Variants in HSPA4L observed in about 807,000 individuals in gnomAD.
The protein encoded by HSPA4L is heat shock 70 kDa protein 4L.
Under a neutral mutation model 100.3 loss-of-function variants are expected in HSPA4L, and 48 were observed. The ratio of observed to expected loss-of-function variants is 0.48; its 90% CI spans 0.38 to 0.61. The LOEUF (loss-of-function observed/expected upper bound fraction) is 0.61. Ranked by LOEUF, HSPA4L falls within the 20% of genes least tolerant of loss-of-function variation. The probability of loss-of-function intolerance (pLI) is 0.00; values close to 1 mark genes in which losing one functional copy is unlikely to be tolerated. For synonymous variants in HSPA4L, 319 were observed against 328.2 expected (o/e 0.97, Z 0.30); for missense variants, 886 against 988.6 (o/e 0.90, Z 1.39).
Position 127,830,851 on chromosome 4 carries a change from T to C in HSPA4L, c.2328+52T>C, listed in dbSNP as rs773360363. On this transcript the variant is annotated intron_variant, in intron 18 of 18. Transcript: ENST00000296464. ...TAATGGTTTCAAGTATTAAAATTTTTAATGAGAGTCATACTTTGGCAAATA... is the reference window on the plus strand; with the variant it reads ...TAATGGTTTCAAGTATTAAAATTTTCAATGAGAGTCATACTTTGGCAAATA... 6 of 1,157,898 alleles carry C rather than the reference T, an allele frequency of 5.2e-6. No homozygotes were observed. The African/African-American group carries it at 8.0e-5, about 16-fold the overall frequency. 71.7% of individuals were successfully genotyped at this position (1,157,898 alleles called of 1,614,324 possible).
Position 127,794,121 on chromosome 4 carries a change from C to A in HSPA4L, c.152C>A (p.Ala51Glu). ...TCAAGAACTCGAGCCATTGGAAATG[C>A]AGCAAAGAGCCAGGTAAATTGTTAA... ...LGSRTRAIGN[A>E]AKSQIVTNVR... The change falls in exon 2 of 19, where the codon GCA (alanine) becomes GAA (glutamate). Residue 51 changes from alanine (A) to glutamate (E), a missense_variant. Coordinates refer to ENST00000296464, the MANE Select transcript of HSPA4L (RefSeq NM_014278.4). 6.2e-7 allele frequency: 1 copy of A among 1,610,524 alleles called. No homozygotes were observed. Among genetic ancestry groups the A allele is most frequent in the Non-Finnish European group, 8.5e-7 (1 of 1,177,708 alleles).
intron 18 of HSPA4L, among the ~76,000 whole-genome samples, chr4:127,831,424 C>T (rs1436364648): frequency 6.6e-6 from 1 of 150,918 alleles, no homozygotes; most frequent in Non-Finnish European, 1.5e-5. Context: ...TCCCTTGAGC[C>T]CAGGAATTTG....
intron 12 of HSPA4L, among the ~76,000 whole-genome samples, chr4:127,812,032 TAATA>T (rs1733544635): frequency 1.3e-5 from 2 of 152,172 alleles, no homozygotes; most frequent in African/African-American, 4.8e-5. Flanking sequence ...AATACATGCT[TAATA>T]AATAATTTTT....
intron 18 of HSPA4L, among the ~76,000 whole-genome samples, chr4:127,831,679 T>C (rs1734087851): frequency 6.6e-6 from 1 of 152,038 alleles, no homozygotes; most frequent in Non-Finnish European, 1.5e-5. Context: ...AGAACCTAAA[T>C]GTATTCATTT....
chr4:127,798,629 G>A lies in HSPA4L; in HGVS notation c.349G>A (p.Val117Ile), dbSNP rs546435846. 1 of 1,613,768 alleles carries A rather than the reference G, an allele frequency of 6.2e-7. No individual in the cohort carries two copies. Among genetic ancestry groups the A allele is most frequent in the South Asian group, 1.1e-5 (1 of 91,070 alleles). Residue 117 changes from valine to isoleucine, a missense_variant, in exon 4 of 19, where the codon GTT (valine) becomes ATT (isoleucine). Val to Ile is a conservative substitution (Grantham distance 29). Coordinates refer to ENST00000296464, the MANE Select transcript of HSPA4L (RefSeq NM_014278.4). ...EEERPFAIEQVTGMLLAKLKE... is the reference protein window; with the variant it reads ...EEERPFAIEQITGMLLAKLKE... Reference sequence around the variant, plus strand: ...AGAGAGACCTTTTGCAATTGAGCAAGTTACTGGAATGCTGTTAGCCAAGCT... The same window carrying A: ...AGAGAGACCTTTTGCAATTGAGCAAATTACTGGAATGCTGTTAGCCAAGCT...
intron 12 of HSPA4L, chr4:127,813,258 A>G: frequency 1.2e-6 from 1 of 809,430 alleles, no homozygotes; most frequent in Non-Finnish European, 2.1e-6. Context: ...CTTTTATTCT[A>G]TTTTAAGACA....
At chr4:127,814,043 A>G (rs1337236712) in intron 12 of HSPA4L, among the ~76,000 whole-genome samples, 4 of 152,168 alleles carry the variant, frequency 2.6e-5, no homozygotes, top group African/African-American at 9.7e-5. Flanking sequence ...ATATTATGGT[A>G]CCCATCTTGT....
At chr4:127,821,114 T>C (rs1000591649) in intron 14 of HSPA4L, among the ~76,000 whole-genome samples, 2 of 152,170 alleles carry the variant, frequency 1.3e-5, no homozygotes, top group African/African-American at 4.8e-5. Context: ...TGGTAGTTCC[T>C]AATTTTTACA....
At chr4:127,823,696 T>C in intron 16 of HSPA4L, 72 bp downstream of exon 16, 3 of 810,612 alleles carry the variant, frequency 3.7e-6, no homozygotes. Flanking sequence ...AAGAGCACAG[T>C]TTATGTTCTA....
rs56119787 is a variant in HSPA4L at position 127,793,924 on chromosome 4, T to G, written c.108-153T>G. On this transcript the variant is annotated intron_variant, in intron 1 of 18. Coordinates refer to ENST00000296464, the MANE Select transcript of HSPA4L (RefSeq NM_014278.4). Reference sequence around the variant, plus strand: ...CCACCATTTTATTATATAGGGAAACTTTAAAATAAATTTTTGATTTGCATA... The same window carrying G: ...CCACCATTTTATTATATAGGGAAACGTTAAAATAAATTTTTGATTTGCATA... Among the ~76,000 whole-genome samples the G allele has an allele frequency of 6.0e-3, 909 of 152,326 alleles. 11 individuals carry two copies. Among genetic ancestry groups the G allele is most frequent in the Non-Finnish European group, 1.0e-2 (680 of 68,010 alleles).
chr4:127,811,695 AT>A, intron 12 of HSPA4L, 59 bp downstream of exon 12: 1 of 1,255,394 alleles, frequency 8.0e-7, no homozygotes, highest in Non-Finnish European at 1.1e-6. Flanking sequence ...GTATATCTTA[AT>A]CATAACTGGG....
intron 10 of HSPA4L, among the ~76,000 whole-genome samples, chr4:127,806,874 T>C (rs1403789033): frequency 6.6e-6 from 1 of 152,008 alleles, no homozygotes; most frequent in East Asian, 1.9e-4. Flanking sequence ...TTTTCAGCCT[T>C]ATCTGAATGT....
At chr4:127,806,171 T>C (rs1733351657) in intron 10 of HSPA4L, among the ~76,000 whole-genome samples, 1 of 152,032 alleles carries the variant, frequency 6.6e-6, no homozygotes, top group Non-Finnish European at 1.5e-5. Flanking sequence ...CTTAGGTACA[T>C]ATAGAATTAT....
chr4:127,804,368 G>A (rs1420320391), intron 8 of HSPA4L, among the ~76,000 whole-genome samples: 2 of 152,018 alleles, frequency 1.3e-5, no homozygotes, highest in African/African-American at 2.4e-5. Flanking sequence ...CACTTTGGGA[G>A]GCCGAGGTGG....
chr4:127,822,163 A>G (rs1246554699), intron 14 of HSPA4L, among the ~76,000 whole-genome samples: 1 of 152,104 alleles, frequency 6.6e-6, no homozygotes, highest in African/African-American at 2.4e-5. Flanking sequence ...CGTTAACTCT[A>G]TAATAACTTA....
rs557418743 is a variant in HSPA4L, at chr4:127,833,103, G to A, written c.*229G>A. On this transcript the variant is annotated 3_prime_UTR_variant, in exon 19 of 19. Coordinates refer to ENST00000296464, the MANE Select transcript of HSPA4L (RefSeq NM_014278.4). ...ATTTACAAGACAATCTAAGCTTTCC[G>A]GATAATTTTATATATCAAACATACA... 2.3e-4 allele frequency: 81 copies of A among 357,492 alleles called. No homozygotes were observed. Among genetic ancestry groups the A allele is most frequent in the African/African-American group, 1.4e-3 (69 of 47,862 alleles). The allele number at this position is 357,492 out of a possible 1,614,324, so 22.1% of individuals were successfully genotyped here.
Position 127,820,547 on chromosome 4 carries a change from C to T in HSPA4L, c.1794C>T (p.Asn598=). 4 of 1,600,454 alleles carry T rather than the reference C, an allele frequency of 2.5e-6. No homozygotes were observed. The South Asian group carries it at 3.4e-5, about 14-fold the overall frequency. ...LCRQLGQDLL[N]SYIENEGKMI... The stretch of plus-strand genomic sequence containing the variant: ...GACAACTAGGCCAAGATCTTCTCAA[C>T]AGCTACATTGAAAATGAGGTATGTA... Residue 598 remains asparagine, a synonymous_variant, in exon 14 of 19, where the codon AAC becomes AAT. Coordinates refer to ENST00000296464, the MANE Select transcript of HSPA4L (RefSeq NM_014278.4).
intron 1 of HSPA4L, among the ~76,000 whole-genome samples, chr4:127,786,369 A>G (rs1283942373): frequency 1.3e-5 from 2 of 152,232 alleles, no homozygotes; most frequent in Non-Finnish European, 2.9e-5. Context: ...TTGAGCAGTT[A>G]TTGTACAGGA....
intron 14 of HSPA4L, among the ~76,000 whole-genome samples, chr4:127,821,016 A>C (rs934561481): frequency 2.6e-5 from 4 of 152,068 alleles, no homozygotes; most frequent in Admixed American, 6.6e-5. Flanking sequence ...TTACATGTTT[A>C]AGTTACAGTC....
Sources: gnomAD v4.1 joint callset for allele counts (sites outside exome capture counted in the v4.1 genomes callset) on GRCh38, gnomAD v4.1.1 for gene constraint, MANE v1.5 for transcripts, NCBI Gene and HGNC (gene_info 2026-07-23, HGNC 2026-07-21) for gene names.